The following BTRC variants were observed in gnomAD, a reference collection of about 807,000 sequenced individuals.
BTRC encodes the protein F-box/WD repeat-containing protein 1A.
A neutral mutation model predicts 85.5 loss-of-function variants in BTRC; 42 were observed. The observed-to-expected ratio is 0.49, with a 90% CI of 0.38 to 0.64. The LOEUF (loss-of-function observed/expected upper bound fraction) is 0.64, where lower values mean the gene tolerates loss of function less well. Among genes scored for constraint, BTRC ranks in the 30% least tolerant of loss-of-function variants. BTRC has a pLI of 0.00. For missense variants in BTRC, 594 were observed against 743.5 expected, an observed-to-expected ratio of 0.80 and a Z score of 2.34; for synonymous variants, 255 against 263.3, an observed-to-expected ratio of 0.97 and a Z score of 0.30.
chr10:101,533,877 C>T (rs534917415), intron 9 of BTRC, among the ~76,000 whole-genome samples: 1 of 152,214 alleles, frequency 6.6e-6, no homozygotes, highest in East Asian at 1.9e-4. Flanking sequence ...TAGTTACTGA[C>T]ATTTAACATT....
chr10:101,511,924 T>A (rs932863841), intron 4 of BTRC, among the ~76,000 whole-genome samples: 2 of 152,232 alleles, frequency 1.3e-5, no homozygotes, highest in African/African-American at 4.8e-5. Context: ...GTGCTGGGAT[T>A]ACAGGCATGA....
chr10:101,421,631 A>C (rs1286394885), intron 1 of BTRC, among the ~76,000 whole-genome samples: 2 of 71,796 alleles, frequency 2.8e-5, no homozygotes, highest in Non-Finnish European at 4.9e-5. Context: ...CCCTCCCCCC[A>C]CCCCACAACA....
intron 13 of BTRC, among the ~76,000 whole-genome samples, chr10:101,546,756 T>C (rs1342762329): frequency 6.6e-6 from 1 of 152,194 alleles, no homozygotes; most frequent in East Asian, 1.9e-4. Flanking sequence ...AGCTAGTTCT[T>C]TGAAAGGATC....
chr10:101,530,563 T>G (rs544785860), intron 6 of BTRC, among the ~76,000 whole-genome samples: 42 of 152,236 alleles, frequency 2.8e-4, no homozygotes, highest in African/African-American at 9.6e-4. Context: ...TAACAAAATT[T>G]CCAAAAGATG....
intron 12 of BTRC, among the ~76,000 whole-genome samples, chr10:101,537,359 C>A (rs1277483505): frequency 1.3e-5 from 2 of 152,108 alleles, no homozygotes; most frequent in African/African-American, 4.8e-5. Context: ...AAAACCCAGT[C>A]TCTACTAAAA....
chr10:101,512,628 T>C (rs2134335512), intron 4 of BTRC, among the ~76,000 whole-genome samples: 1 of 152,332 alleles, frequency 6.6e-6, no homozygotes, highest in Non-Finnish European at 1.5e-5. Context: ...AGCCAGTTGG[T>C]GTCTGCAAGT....
chr10:101,486,812 A>G (rs1564802116), intron 4 of BTRC, among the ~76,000 whole-genome samples: 1 of 152,112 alleles, frequency 6.6e-6, no homozygotes, highest in Non-Finnish European at 1.5e-5. Flanking sequence ...ACCAGGACAA[A>G]TCTTTTGAAG....
At position 101,526,039 on chromosome 10, in the gene BTRC, A is replaced by G; in HGVS notation, c.583A>G (p.Asn195Asp). 1 of 1,614,168 alleles carries G rather than the reference A, an allele frequency of 6.2e-7. No individual in the cohort carries two copies. The stretch of plus-strand genomic sequence containing the variant: ...TCGGGGATTGGATCATATTGCTGAG[A>G]ACATTCTGTCATACCTGGATGCCAA... The part of the protein sequence containing the change: ...PARGLDHIAE[N>D]ILSYLDAKSL... Residue 195 changes from asparagine to aspartate, a missense_variant, in exon 6 of 15, where the codon AAC becomes GAC. Asn to Asp is a conservative substitution (Grantham distance 23). Transcript: ENST00000370187.
At chr10:101,515,848 T>C (rs2062016363) in intron 4 of BTRC, among the ~76,000 whole-genome samples, 1 of 152,206 alleles carries the variant, frequency 6.6e-6, no homozygotes, top group Admixed American at 6.5e-5. Flanking sequence ...ATTTTATGTT[T>C]TTATGGTACT....
intron 4 of BTRC, among the ~76,000 whole-genome samples, chr10:101,506,106 GT>G (rs939563904): frequency 1.7e-4 from 26 of 152,246 alleles, no homozygotes; most frequent in Non-Finnish European, 3.4e-4. Flanking sequence ...TAGAGACGGG[GT>G]TTCACCATGT....
chr10:101,360,779 G>A (rs995260316), intron 1 of BTRC, among the ~76,000 whole-genome samples: 1 of 152,130 alleles, frequency 6.6e-6, no homozygotes, highest in Non-Finnish European at 1.5e-5. Context: ...CTACAGGTGC[G>A]TGCCACCACT....
chr10:101,532,797 TGCGCGCGC>T (rs5787439), intron 8 of BTRC, among the ~76,000 whole-genome samples, 147 bp from the exon 9 acceptor site: 1 of 141,172 alleles, frequency 7.1e-6, no homozygotes, highest in South Asian at 2.2e-4. Context: ...TGTGCGCGTG[TGCGCGCGC>T]GCGCGCTTAG....
At chr10:101,362,181 G>A (rs1164433421) in intron 1 of BTRC, among the ~76,000 whole-genome samples, 1 of 151,768 alleles carries the variant, frequency 6.6e-6, no homozygotes, top group African/African-American at 2.4e-5. Flanking sequence ...GGACAGTCTC[G>A]ATCTCCTCCT....
chr10:101,479,857 C>T (rs1236425462), intron 4 of BTRC, among the ~76,000 whole-genome samples: 1 of 152,164 alleles, frequency 6.6e-6, no homozygotes, highest in African/African-American at 2.4e-5. Flanking sequence ...TATTATATCA[C>T]TATTATTATT....
intron 1 of BTRC, among the ~76,000 whole-genome samples, chr10:101,378,769 C>T (rs555212237): frequency 2.8e-5 from 4 of 144,640 alleles, no homozygotes; most frequent in African/African-American, 9.8e-5. Flanking sequence ...AAGTGATCCG[C>T]CCACTTCGGC....
intron 3 of BTRC, among the ~76,000 whole-genome samples, chr10:101,465,914 T>G (rs915443718): frequency 6.6e-6 from 1 of 152,218 alleles, no homozygotes; most frequent in Non-Finnish European, 1.5e-5. Context: ...TGGCATTAAA[T>G]ATGAACTTTT....
chr10:101,549,179 A>C (rs1330287121), intron 13 of BTRC, among the ~76,000 whole-genome samples: 1 of 151,670 alleles, frequency 6.6e-6, no homozygotes, highest in Non-Finnish European at 1.5e-5. Flanking sequence ...CCACACCTAT[A>C]ATCTCAGAGC....
At chr10:101,507,314 A>T (rs1207280144) in intron 4 of BTRC, among the ~76,000 whole-genome samples, 1 of 152,174 alleles carries the variant, frequency 6.6e-6, no homozygotes, top group Non-Finnish European at 1.5e-5. Context: ...CATTTCTGGC[A>T]GGTTTTTACT....
intron 1 of BTRC, among the ~76,000 whole-genome samples, chr10:101,382,215 T>C (rs1297878845): frequency 6.6e-6 from 1 of 151,846 alleles, no homozygotes; most frequent in Non-Finnish European, 1.5e-5. Flanking sequence ...ACTCCCGACC[T>C]CAGGTGATCC....
Sources: allele counts gnomAD v4.1 joint callset (sites outside exome capture counted in the v4.1 genomes callset), GRCh38; gene constraint gnomAD v4.1.1; transcripts MANE v1.5; gene names NCBI Gene and HGNC (gene_info 2026-07-23, HGNC 2026-07-21).